TECTB: variants seen among roughly 807,000 people sequenced by gnomAD.
TECTB encodes the protein tectorin beta.
In TECTB, 45 loss-of-function variants were observed where a neutral mutation model predicts 43.3. The observed-to-expected ratio is 1.04, with a 90% CI of 0.82 to 1.33. The LOEUF (loss-of-function observed/expected upper bound fraction) is 1.33, where lower values mean the gene tolerates loss of function less well. TECTB is among the 40% of genes most tolerant of loss of function. TECTB has a pLI of 0.00. For missense variants in TECTB, 399 were observed against 404.7 expected (o/e 0.99, Z 0.12); for synonymous variants, 169 against 156.7 (o/e 1.08, Z -0.59).
intron 7 of TECTB, among the ~76,000 whole-genome samples, chr10:112,296,154 G>A (rs1848544994): frequency 6.6e-6 from 1 of 152,184 alleles, no homozygotes; most frequent in South Asian, 2.1e-4. Context: ...TCACAACACT[G>A]GGCCCCTTTG....
intron 10 of TECTB, 83 bp downstream of exon 10, chr10:112,302,216 GC>G: frequency 6.4e-7 from 1 of 1,555,240 alleles, no homozygotes; most frequent in Non-Finnish European, 8.8e-7. Flanking sequence ...CTTAACTTTG[GC>G]CCCGGCAAAA....
chr10:112,300,778 A>C (rs2133359084), intron 9 of TECTB, among the ~76,000 whole-genome samples: 1 of 152,266 alleles, frequency 6.6e-6, no homozygotes, highest in South Asian at 2.1e-4. Flanking sequence ...CCAAAATCCA[A>C]AAAAAAATCT....
intron 5 of TECTB, among the ~76,000 whole-genome samples, chr10:112,286,813 T>A (rs1377825775): frequency 6.6e-6 from 1 of 152,060 alleles, no homozygotes; most frequent in African/African-American, 2.4e-5. Flanking sequence ...TCCCAGCTAC[T>A]TGGGAGGCTG....
rs190014683 is a variant in TECTB at position 112,293,082 on chromosome 10, G to A, written c.484-656G>A. On this transcript the variant is annotated intron_variant, in intron 5 of 10. Coordinates refer to ENST00000646139, the MANE Select transcript of TECTB (RefSeq NM_058222.3). ...ATGTTTTATAGCTTTTCTAGATAATGTCCTATGGTCTATAGTTACATATTA... is the reference window on the plus strand; with the variant it reads ...ATGTTTTATAGCTTTTCTAGATAATATCCTATGGTCTATAGTTACATATTA... Among the ~76,000 whole-genome samples the A allele has an allele frequency of 2.6e-5, 4 of 152,280 alleles. No homozygotes were observed. The East Asian group carries it at 7.7e-4, about 29-fold the overall frequency.
intron 9 of TECTB, 62 bp downstream of exon 9, chr10:112,299,626 A>G (rs771110697): frequency 3.6e-5 from 56 of 1,560,892 alleles, no homozygotes; most frequent in Non-Finnish European, 4.9e-5. Context: ...CTGCGTCCAC[A>G]GGCACAGCCG....
In TECTB at chr10:112,304,449, T is replaced by C. The variant is rs1185070041; in HGVS notation, c.*1137T>C. The C allele has an allele frequency of 6.6e-6, 1 of 152,232 alleles. No individual in the cohort carries two copies. The highest frequency in any genetic ancestry group is 1.5e-5 in the Non-Finnish European group (1 of 68,040). The allele number at this position is 152,232 out of a possible 1,614,324, so 9.4% of individuals were successfully genotyped here. On this transcript the variant is annotated 3_prime_UTR_variant, in exon 11 of 11. Coordinates refer to ENST00000646139, the MANE Select transcript of TECTB (RefSeq NM_058222.3). ...CCCAGTGATCCAGAATATGCCCATA[T>C]AAATGATTTACATTGTCAACAAAAT... is the stretch of plus-strand genomic sequence containing the variant.
chr10:112,283,881 C>A, intron 2 of TECTB, 71 bp downstream of exon 2: 1 of 1,483,278 alleles, frequency 6.7e-7, no homozygotes, highest in Non-Finnish European at 9.3e-7. Flanking sequence ...ATGCTCAGCA[C>A]TTCTGTGCTT....
chr10:112,290,532 T>A lies in TECTB; in HGVS notation c.484-3206T>A, dbSNP rs79711638. On this transcript the variant is annotated intron_variant, in intron 5 of 10. Coordinates refer to ENST00000646139, the MANE Select transcript of TECTB (RefSeq NM_058222.3). The stretch of plus-strand genomic sequence containing the variant: ...TAACAGAATCAGGCAGGTTCTTCCA[T>A]GAGGAGAGGTATTATTCCAATATTC... Among the ~76,000 whole-genome samples, 763 of 152,304 alleles carry A rather than the reference T, an allele frequency of 5.0e-3. 6 individuals are homozygous for A. Among genetic ancestry groups the A allele is most frequent in the African/African-American group, 0.018 (737 of 41,574 alleles).
chr10:112,292,735 C>A (rs75250748), intron 5 of TECTB, among the ~76,000 whole-genome samples: 1 of 152,188 alleles, frequency 6.6e-6, no homozygotes, highest in Non-Finnish European at 1.5e-5. Context: ...TGAGCCACAG[C>A]GCCCAGCCAG....
At chr10:112,288,453 C>G (rs111878028) in intron 5 of TECTB, among the ~76,000 whole-genome samples, 395 of 152,242 alleles carry the variant, frequency 2.6e-3, no homozygotes, top group African/African-American at 8.9e-3. Flanking sequence ...AAGGGTCAAG[C>G]GTCCCCTGAG....
intron 5 of TECTB, among the ~76,000 whole-genome samples, chr10:112,291,410 T>G (rs923381142): frequency 3.3e-5 from 5 of 152,172 alleles, no homozygotes; most frequent in African/African-American, 1.2e-4. Context: ...CAAAGGAATA[T>G]AAATCATTCT....
intron 10 of TECTB, 86 bp from the exon 11 acceptor site, chr10:112,303,177 A>AC: frequency 6.7e-7 from 1 of 1,485,796 alleles, no homozygotes; most frequent in Non-Finnish European, 9.4e-7. Flanking sequence ...TTTTATGAAG[A>AC]CCCCTGAGTT....
intron 10 of TECTB, chr10:112,302,661 CA>C (rs1848621635): frequency 4.3e-6 from 1 of 230,628 alleles, no homozygotes; most frequent in African/African-American, 2.3e-5. Flanking sequence ...AACACCCAGT[CA>C]GGGTCAGCCA....
At chr10:112,300,284 AAAGAAAGAAAG>A (rs1848595129) in intron 9 of TECTB, among the ~76,000 whole-genome samples, 2 of 79,434 alleles carry the variant, frequency 2.5e-5, no homozygotes, top group Admixed American at 3.2e-4. Flanking sequence ...GAAAGAAAAG[AAAGAAAGAAAG>A]AAAGAAAGAA....
At chr10:112,297,503 C>G (rs1190425467) in intron 7 of TECTB, among the ~76,000 whole-genome samples, 1 of 152,092 alleles carries the variant, frequency 6.6e-6, no homozygotes, top group Non-Finnish European at 1.5e-5. Context: ...AACATTTAGA[C>G]GGTATCCTTC....
intron 7 of TECTB, among the ~76,000 whole-genome samples, chr10:112,296,295 G>A (rs79695724): frequency 3.3e-5 from 5 of 152,278 alleles, no homozygotes; most frequent in Non-Finnish European, 5.9e-5. Flanking sequence ...CATGGGAAAG[G>A]AGGCTCATGC....
intron 10 of TECTB, 73 bp from the exon 11 acceptor site, chr10:112,303,190 C>T (rs1021903601): frequency 4.5e-6 from 7 of 1,568,378 alleles, no homozygotes; most frequent in Non-Finnish European, 6.1e-6. Flanking sequence ...CCTGAGTTAA[C>T]TCTTCTGTTG....
At chr10:112,296,153 T>C (rs1848544972) in intron 7 of TECTB, among the ~76,000 whole-genome samples, 1 of 151,918 alleles carries the variant, frequency 6.6e-6, no homozygotes, top group South Asian at 2.1e-4. Flanking sequence ...CTCACAACAC[T>C]GGGCCCCTTT....
intron 3 of TECTB, among the ~76,000 whole-genome samples, chr10:112,285,719 C>T (rs765161875): frequency 6.6e-6 from 1 of 152,132 alleles, no homozygotes; most frequent in Non-Finnish European, 1.5e-5. Flanking sequence ...ATGGGTGAAG[C>T]ATTCATTTAG....
Sources: gnomAD v4.1 joint callset for allele counts (sites outside exome capture counted in the v4.1 genomes callset) on GRCh38, gnomAD v4.1.1 for gene constraint, MANE v1.5 for transcripts, NCBI Gene and HGNC (gene_info 2026-07-23, HGNC 2026-07-21) for gene names.